ESRP1: variants seen among roughly 807,000 people sequenced by gnomAD.
ESRP1 encodes the protein RNA-binding motif protein 35A.
A neutral mutation model predicts 81.7 loss-of-function variants in ESRP1; 33 were observed. The ratio of observed to expected loss-of-function variants is 0.40; its 90% CI spans 0.31 to 0.54. The LOEUF is 0.54. Among genes scored for constraint, ESRP1 ranks in the 20% least tolerant of loss-of-function variants. ESRP1 has a pLI of 0.41. For missense variants in ESRP1, 672 were observed against 833.1 expected (o/e 0.81, Z 2.38); for synonymous variants, 320 against 303.3 (o/e 1.06, Z -0.57).
chr8:94,664,513 A>T (rs577847985), intron 6 of ESRP1, among the ~76,000 whole-genome samples, 184 bp from the exon 7 acceptor site: 2 of 152,312 alleles, frequency 1.3e-5, no homozygotes, highest in Non-Finnish European at 2.9e-5. Context: ...TGAACCACCT[A>T]AACAGTACTT....
chr8:94,674,297 C>T lies in ESRP1; in HGVS notation c.1453-11C>T, dbSNP rs1037605598. On this transcript the variant is annotated splice_polypyrimidine_tract_variant and intron_variant, in intron 11 of 15. Coordinates refer to ENST00000433389, the MANE Select transcript of ESRP1 (RefSeq NM_017697.4). ...TCTCCTTTTGTTTTTATTCTTCCCC[C>T]ACACACTCAGGGCCGCCCATCAGGA... The T allele has an allele frequency of 2.5e-6, 4 of 1,609,884 alleles. No individual in the cohort carries two copies. In the African/African-American group the frequency reaches 4.0e-5, roughly 16 times the overall value.
In ESRP1 at chr8:94,696,999, C is replaced by T. The variant is rs565192465; in HGVS notation, c.*35+38C>T. The T allele has an allele frequency of 9.3e-5, 126 of 1,359,634 alleles. No individual in the cohort carries two copies. The South Asian group carries it at 1.6e-3, about 17-fold the overall frequency. 84.2% of individuals were successfully genotyped at this position (1,359,634 alleles called of 1,614,324 possible). On this transcript the variant is annotated intron_variant, in intron 15 of 15. Coordinates refer to ENST00000433389, the MANE Select transcript of ESRP1 (RefSeq NM_017697.4). ...GATGTGCAAGTTAAATTATAAAGGG[C>T]CAAACAGAGATCAAGATTCTGAAGG...
chr8:94,688,957 A>G (rs535608131), intron 13 of ESRP1, among the ~76,000 whole-genome samples: 1 of 152,290 alleles, frequency 6.6e-6, no homozygotes, highest in Non-Finnish European at 1.5e-5. Flanking sequence ...CATTTTAGCA[A>G]TATTAATTCT....
At chr8:94,651,143 A>C (rs7827723) in intron 4 of ESRP1, among the ~76,000 whole-genome samples, 1 of 151,782 alleles carries the variant, frequency 6.6e-6, no homozygotes, top group Non-Finnish European at 1.5e-5. Context: ...AGGGAAAGCA[A>C]TGAGGCCTTG....
chr8:94,693,037 C>T (rs1809467785), intron 14 of ESRP1, among the ~76,000 whole-genome samples: 1 of 152,108 alleles, frequency 6.6e-6, no homozygotes, highest in Non-Finnish European at 1.5e-5. Context: ...TTTTTCCATG[C>T]TGTCTTAAGT....
At chr8:94,654,241 C>G (rs1263538454) in intron 4 of ESRP1, among the ~76,000 whole-genome samples, 2 of 152,184 alleles carry the variant, frequency 1.3e-5, no homozygotes, top group East Asian at 3.8e-4. Context: ...TCGCTTGAAC[C>G]TGGGTGGCGG....
Position 94,665,066 on chromosome 8 carries a change from C to T in ESRP1, c.888+7C>T. The T allele has an allele frequency of 6.2e-7, 1 of 1,613,568 alleles. No individual in the cohort carries two copies. Among genetic ancestry groups the T allele is most frequent in the South Asian group, 1.1e-5 (1 of 91,044 alleles). ...GGGGACCCGGTATATTGAGGTATGT[C>T]CTCAAAACCTGAACCCCTGGACATC... On this transcript the variant is annotated splice_region_variant and intron_variant, in intron 8 of 15. Transcript: ENST00000433389.
intron 4 of ESRP1, among the ~76,000 whole-genome samples, chr8:94,655,097 G>GTT (rs1186620565): frequency 6.7e-6 from 1 of 148,432 alleles, no homozygotes; most frequent in African/African-American, 2.5e-5. Context: ...GTTTTGTTTT[G>GTT]TTTTGTTTAG....
At chr8:94,675,875 A>G (rs1819563035) in intron 12 of ESRP1, among the ~76,000 whole-genome samples, 1 of 152,222 alleles carries the variant, frequency 6.6e-6, no homozygotes, top group Admixed American at 6.5e-5. Flanking sequence ...CACACCTGTA[A>G]TCTCAGCACT....
At position 94,667,068 on chromosome 8, in the gene ESRP1, G is replaced by GGGGTGT. The variant is rs1554577644; in HGVS notation, c.932-880_932-879insGGTGTG. On this transcript the variant is annotated intron_variant, in intron 9 of 15. Coordinates refer to ENST00000433389, the MANE Select transcript of ESRP1 (RefSeq NM_017697.4). Reference sequence around the variant, plus strand: ...TAATACACAAATTAGCCAGGAGAGGGGTGTGTGTGTGTGTGTGTGTGTGTG... The same window carrying GGGGTGT: ...TAATACACAAATTAGCCAGGAGAGGGGGGTGTGTGTGTGTGTGTGTGTGTGTGTGTG... 3.2e-4 allele frequency among the ~76,000 whole-genome samples: 46 copies of GGGGTGT among 144,308 alleles called. 1 individual carries two copies. In the East Asian group the frequency reaches 7.1e-3, roughly 22 times the overall value. The allele number at this position is 144,308 out of a possible 152,430, so 94.7% of individuals were successfully genotyped here. A position where few individuals can be genotyped will look rare whatever the true frequency, so the allele number is the denominator to read the frequency against.
chr8:94,692,667 C>T lies in ESRP1; in HGVS notation c.1821-10C>T. On this transcript the variant is annotated splice_polypyrimidine_tract_variant and intron_variant, in intron 13 of 15. Coordinates refer to ENST00000433389, the MANE Select transcript of ESRP1 (RefSeq NM_017697.4). ...TTCCTATTGGTTCACTGTGCTTTCTCTCCCTTTAGCCCCCCAGGTTCGCCT... is the reference window on the plus strand; with the variant it reads ...TTCCTATTGGTTCACTGTGCTTTCTTTCCCTTTAGCCCCCCAGGTTCGCCT... The T allele has an allele frequency of 6.2e-7, 1 of 1,611,712 alleles. No homozygotes were observed. Among genetic ancestry groups the T allele is most frequent in the Non-Finnish European group, 8.5e-7 (1 of 1,178,376 alleles).
intron 14 of ESRP1, among the ~76,000 whole-genome samples, chr8:94,695,256 CT>C (rs1167519618): frequency 5.4e-5 from 8 of 149,110 alleles, no homozygotes; most frequent in Non-Finnish European, 1.2e-4. Context: ...AATTTTACTT[CT>C]AGTTATTTTA....
chr8:94,681,656 T>C (rs1425696553), intron 13 of ESRP1, among the ~76,000 whole-genome samples: 1 of 150,902 alleles, frequency 6.6e-6, no homozygotes, highest in Non-Finnish European at 1.5e-5. Flanking sequence ...ATAATAAAAA[T>C]GGCTGGGTGT....
At chr8:94,673,126 T>C (rs1819416125) in intron 11 of ESRP1, among the ~76,000 whole-genome samples, 1 of 152,238 alleles carries the variant, frequency 6.6e-6, no homozygotes, top group Non-Finnish European at 1.5e-5. Context: ...TGATATTAAA[T>C]TATGCAACTT....
intron 15 of ESRP1, among the ~76,000 whole-genome samples, chr8:94,702,011 G>A (rs760847479): frequency 2.6e-5 from 4 of 152,198 alleles, no homozygotes; most frequent in Non-Finnish European, 4.4e-5. Context: ...CCAGGAGGTC[G>A]AGGTTGCGGT....
chr8:94,680,915 A>G (rs1012358943), intron 13 of ESRP1, among the ~76,000 whole-genome samples: 9 of 152,018 alleles, frequency 5.9e-5, no homozygotes, highest in African/African-American at 2.2e-4. Context: ...TCTTCCATTA[A>G]AAAAAAGCCA....
chr8:94,656,446 C>T (rs1353391140), intron 4 of ESRP1, among the ~76,000 whole-genome samples: 3 of 152,086 alleles, frequency 2.0e-5, no homozygotes, highest in Non-Finnish European at 4.4e-5. Flanking sequence ...TGGTCTCGAT[C>T]TCCTGACCTT....
At chr8:94,651,346 C>T (rs2130559000) in intron 4 of ESRP1, among the ~76,000 whole-genome samples, 1 of 149,774 alleles carries the variant, frequency 6.7e-6, no homozygotes, top group East Asian at 2.0e-4. Flanking sequence ...ACTCCTGCAC[C>T]CTAGGCAAGT....
At chr8:94,665,658 A>G (rs547104856) in intron 9 of ESRP1, among the ~76,000 whole-genome samples, 1 of 152,088 alleles carries the variant, frequency 6.6e-6, no homozygotes, top group South Asian at 2.1e-4. Context: ...TGCCTGGCTA[A>G]CTTTTTGTAT....
Sources: allele counts gnomAD v4.1 joint callset (sites outside exome capture counted in the v4.1 genomes callset), GRCh38; gene constraint gnomAD v4.1.1; transcripts MANE v1.5; gene names NCBI Gene and HGNC (gene_info 2026-07-23, HGNC 2026-07-21).